The following CFAP46 variants were observed in gnomAD, a reference collection of about 807,000 sequenced individuals.
The protein encoded by CFAP46 is cilia- and flagella-associated protein 46.
A neutral mutation model predicts 325.7 loss-of-function variants in CFAP46; 245 were observed. The ratio of observed to expected loss-of-function variants is 0.75; its 90% CI spans 0.68 to 0.84. CFAP46 has a LOEUF of 0.84. CFAP46 is among the 40% of genes least tolerant of loss of function. CFAP46 has a pLI of 0.00. For synonymous variants in CFAP46, 1,523 were observed against 1,495.9 expected (o/e 1.02, Z -0.42); for missense variants, 3,346 against 3,543.0 (o/e 0.94, Z 1.41).
Position 132,942,453 on chromosome 10 carries a change from C to T in CFAP46, c.32G>A (p.Arg11His), listed in dbSNP as rs772780576. MDLVITQELARAESQQDAASL... is the reference protein window; with the variant it reads MDLVITQELAHAESQQDAASL... ...GGGGTCACCTTGCTGGCTCTCGGCGCGGGCCAGCTCCTGCGTGATGACCAG... is the reference window on the plus strand; with the variant it reads ...GGGGTCACCTTGCTGGCTCTCGGCGTGGGCCAGCTCCTGCGTGATGACCAG... Residue 11 changes from arginine (R) to histidine (H), a missense_variant, in exon 1 of 58, where the codon CGC (arginine) becomes CAC (histidine). Transcript: ENST00000368586. 5.6e-5 allele frequency: 69 copies of T among 1,234,458 alleles called. No homozygotes were observed. The Admixed American group carries it at 2.8e-3, about 51-fold the overall frequency. 76.5% of individuals were successfully genotyped at this position (1,234,458 alleles called of 1,614,324 possible). A position where few individuals can be genotyped will look rare whatever the true frequency, so the allele number is the denominator to read the frequency against.
At chr10:132,899,247 G>A (rs1191981008) in intron 23 of CFAP46, 126 bp from the exon 24 acceptor site, 3 of 1,113,120 alleles carry the variant, frequency 2.7e-6, no homozygotes, top group African/African-American at 1.6e-5. Flanking sequence ...TGGGCATGTG[G>A]CTTGCTCAGG....
Position 132,879,544 on chromosome 10 carries a change from C to G in CFAP46, c.3887G>C (p.Arg1296Pro), listed in dbSNP as rs555862290. The stretch of plus-strand genomic sequence containing the variant: ...CACGCGGGCCAGCGCCTCCAGCTGC[C>G]GCACGCTACGCAGCTGCTCCAAGGA... ...AVSLEQLRSV[R>P]QLEALARVHI... Residue 1296 changes from arginine (R) to proline (P), a missense_variant, in exon 29 of 58, where the codon CGG (arginine) becomes CCG (proline). Physicochemically the swap from Arg to Pro is moderately radical, Grantham distance 103. Transcript: ENST00000368586. 6.5e-7 allele frequency: 1 copy of G among 1,547,352 alleles called. No homozygotes were observed. Among genetic ancestry groups the G allele is most frequent in the East Asian group, 2.4e-5 (1 of 40,888 alleles).
At chr10:132,927,358 G>A (rs568965440) in intron 9 of CFAP46, among the ~76,000 whole-genome samples, 6 of 150,660 alleles carry the variant, frequency 4.0e-5, no homozygotes, top group East Asian at 3.9e-4. Context: ...GGTCCTCGGC[G>A]GCAGACGCCT....
At position 132,827,637 on chromosome 10, in the gene CFAP46, G is replaced by A. The variant is rs1245196331; in HGVS notation, c.7117+5721C>T. 6.6e-6 allele frequency among the ~76,000 whole-genome samples: 1 copy of A among 152,058 alleles called. No individual in the cohort carries two copies. The highest frequency in any genetic ancestry group is 1.5e-5 in the Non-Finnish European group (1 of 68,026). On this transcript the variant is annotated intron_variant, in intron 50 of 57. Transcript: ENST00000368586. This position sits in a 1 kb window ranked among gnomAD's most constrained non-coding sequence, Gnocchi z 5.7. ...AGGGAGCTGCCTGCATTTAAAGTGA[G>A]CAACGTGACGGGACTGGACGCTGCA...
chr10:132,866,747 C>A (rs748252344), intron 34 of CFAP46, among the ~76,000 whole-genome samples: 2 of 152,224 alleles, frequency 1.3e-5, no homozygotes, highest in Non-Finnish European at 2.9e-5. Flanking sequence ...TCCTGACTGC[C>A]AGGTCACAGG....
At chr10:132,821,905 G>A (rs1420883948) in intron 50 of CFAP46, among the ~76,000 whole-genome samples, 2 of 143,448 alleles carry the variant, frequency 1.4e-5, no homozygotes, top group African/African-American at 5.3e-5. Context: ...TGTTGTGTGA[G>A]TGCTGATGTG....
At chr10:132,896,955 TC>T (rs1849328876) in intron 24 of CFAP46, among the ~76,000 whole-genome samples, 1 of 152,124 alleles carries the variant, frequency 6.6e-6, no homozygotes, top group South Asian at 2.1e-4. Flanking sequence ...CCAAAATAAA[TC>T]CCTGCATTTC....
rs145394104 is a variant in CFAP46 at position 132,869,908 on chromosome 10, C to A, written c.4512-536G>T. Among the ~76,000 whole-genome samples the A allele has an allele frequency of 1.3e-3, 205 of 152,298 alleles. 3 individuals are homozygous for A. Among genetic ancestry groups the A allele is most frequent in the Non-Finnish European group, 4.0e-4 (27 of 68,026 alleles). Reference sequence around the variant, plus strand: ...TCTCCCGGATCCTTCAGGGCACAGGCGCCTCCATTTATCAAACTGTGCTGT... The same window carrying A: ...TCTCCCGGATCCTTCAGGGCACAGGAGCCTCCATTTATCAAACTGTGCTGT... On this transcript the variant is annotated intron_variant, in intron 32 of 57. Coordinates refer to ENST00000368586, the MANE Select transcript of CFAP46 (RefSeq NM_001200049.3). The surrounding 1 kb of genome is among the most constrained non-coding windows in gnomAD (Gnocchi z 6.2).
intron 6 of CFAP46, chr10:132,937,277 T>A (rs1850023157): frequency 1.9e-6 from 1 of 538,622 alleles, no homozygotes; most frequent in Non-Finnish European, 3.2e-6. Flanking sequence ...CTATTAACTT[T>A]AAAAAAATTC....
chr10:132,910,409 A>G (rs750066660), intron 19 of CFAP46, among the ~76,000 whole-genome samples: 7 of 152,228 alleles, frequency 4.6e-5, no homozygotes, highest in Non-Finnish European at 8.8e-5. Context: ...TGGGGCAGCA[A>G]GGACGGAGCC....
chr10:132,886,095 C>A lies in CFAP46; in HGVS notation c.3305-136G>T. On this transcript the variant is annotated intron_variant, in intron 25 of 57. Transcript: ENST00000368586. The surrounding 1 kb of genome is among the most constrained non-coding windows in gnomAD (Gnocchi z 5.8). ...GGCTACAGAGGTGCCCAGGCCAGCG[C>A]ATGCCCCGCAGGGCTGAAGTGAGCT... 1 of 1,228,690 alleles carries A rather than the reference C, an allele frequency of 8.1e-7. No individual in the cohort carries two copies. 76.1% of individuals were successfully genotyped at this position (1,228,690 alleles called of 1,614,324 possible).
intron 50 of CFAP46, among the ~76,000 whole-genome samples, chr10:132,820,234 C>T (rs1847767550): frequency 6.6e-6 from 1 of 152,204 alleles, no homozygotes; most frequent in African/African-American, 2.4e-5. Flanking sequence ...GGACATCACG[C>T]AAAGTGAAAA....
At chr10:132,888,226 C>T (rs569344481) in intron 25 of CFAP46, among the ~76,000 whole-genome samples, 261 of 151,846 alleles carry the variant, frequency 1.7e-3, no homozygotes, top group African/African-American at 6.0e-3. Flanking sequence ...CTAATGGTAG[C>T]GGGTCTTGGG....
rs1848094210 is a variant in CFAP46, at chr10:132,828,379, G to A, written c.7117+4979C>T. Among the ~76,000 whole-genome samples, 1 of 151,952 alleles carries A rather than the reference G, an allele frequency of 6.6e-6. No individual in the cohort carries two copies. The highest frequency in any genetic ancestry group is 1.5e-5 in the Non-Finnish European group (1 of 68,042). ...ACACGCGCTCTGGTCGACTGTGTGA[G>A]TTTCACCCATTCTAACAGGTGTGCA... On this transcript the variant is annotated intron_variant, in intron 50 of 57. Coordinates refer to ENST00000368586, the MANE Select transcript of CFAP46 (RefSeq NM_001200049.3). The surrounding 1 kb of genome is among the most constrained non-coding windows in gnomAD (Gnocchi z 4.9).
chr10:132,837,931 A>ATGCACGGACACAGACACGCACGTG (rs11274709), intron 44 of CFAP46, among the ~76,000 whole-genome samples: 73,010 of 139,914 alleles, frequency 0.52, 19,157 homozygotes, highest in Admixed American at 0.6. Flanking sequence ...ACACGCAGAC[A>ATGCACGGACACAGACACGCACGTG]TGCACGGACA....
intron 22 of CFAP46, among the ~76,000 whole-genome samples, chr10:132,904,710 A>T (rs1849433301): frequency 6.6e-6 from 1 of 152,156 alleles, no homozygotes; most frequent in South Asian, 2.1e-4. Context: ...AGCACTCTGC[A>T]CCCTCACCTC....
At chr10:132,852,472 A>G (rs1848572280) in intron 39 of CFAP46, among the ~76,000 whole-genome samples, 1 of 150,520 alleles carries the variant, frequency 6.6e-6, no homozygotes, top group Admixed American at 6.6e-5. Context: ...ATGTTCCTCC[A>G]TTTACTTAGG....
Position 132,830,913 on chromosome 10 carries a change from G to A in CFAP46, c.7117+2445C>T, listed in dbSNP as rs116137278. ...CCTTTTCTTCTTTCCTAACATACAT[G>A]CTTAGTTCCATAAAGTCCTTCTTGC... On this transcript the variant is annotated intron_variant, in intron 50 of 57. Transcript: ENST00000368586. 5.9e-3 allele frequency among the ~76,000 whole-genome samples: 899 copies of A among 152,216 alleles called. 8 individuals carry two copies. The highest frequency in any genetic ancestry group is 0.02 in the African/African-American group (829 of 41,524).
At chr10:132,918,594 C>T in intron 15 of CFAP46, 74 bp from the exon 16 acceptor site, 2 of 1,458,410 alleles carry the variant, frequency 1.4e-6, no homozygotes, top group Non-Finnish European at 1.8e-6. Flanking sequence ...ATTCCTGAAC[C>T]ATCTTGGAGT....
Sources: gnomAD v4.1 joint callset for allele counts (sites outside exome capture counted in the v4.1 genomes callset) on GRCh38, gnomAD v4.1.1 for gene constraint, Gnocchi (gnomAD v3.1) non-coding constraint, MANE v1.5 for transcripts, NCBI Gene and HGNC (gene_info 2026-07-23, HGNC 2026-07-21) for gene names.